ARHGAP17: variants seen among roughly 807,000 people sequenced by gnomAD.
The protein encoded by ARHGAP17 is Rho GTPase activating protein 17, also known as rho GTPase-activating protein 17.
In ARHGAP17, 57 loss-of-function variants were observed where a neutral mutation model predicts 99.5. That is an observed-to-expected ratio of 0.57 (90% CI 0.46 to 0.71). ARHGAP17 has a LOEUF of 0.71. Among genes scored for constraint, ARHGAP17 ranks in the 30% least tolerant of loss-of-function variants. ARHGAP17 has a pLI of 0.00. For missense variants in ARHGAP17, 1,000 were observed against 1,122.4 expected, an observed-to-expected ratio of 0.89 and a Z score of 1.56; for synonymous variants, 417 against 429.6, an observed-to-expected ratio of 0.97 and a Z score of 0.36.
chr16:25,014,983 T>C (rs568374805), intron 1 of ARHGAP17, among the ~76,000 whole-genome samples: 2 of 150,228 alleles, frequency 1.3e-5, no homozygotes, highest in South Asian at 2.1e-4. Context: ...GGCCCTCCCC[T>C]GCAGGTCTCG....
intron 1 of ARHGAP17, among the ~76,000 whole-genome samples, chr16:25,007,223 A>G (rs2053531166): frequency 6.6e-6 from 1 of 152,262 alleles, no homozygotes; most frequent in African/African-American, 2.4e-5. Context: ...GCTAAAATAA[A>G]GTGCTTATCA....
At chr16:25,001,772 G>A (rs1411073679) in intron 1 of ARHGAP17, among the ~76,000 whole-genome samples, 1 of 152,040 alleles carries the variant, frequency 6.6e-6, no homozygotes. Flanking sequence ...ACATATTACA[G>A]ATCAACAGTT....
intron 6 of ARHGAP17, among the ~76,000 whole-genome samples, chr16:24,967,952 G>T (rs946914369): frequency 6.6e-6 from 1 of 152,278 alleles, no homozygotes; most frequent in East Asian, 1.9e-4. Context: ...CCTGCCATGT[G>T]AGTGCCTCCT....
At chr16:24,920,340 A>C in intron 19 of ARHGAP17, 80 bp from the exon 20 acceptor site, 1 of 1,560,560 alleles carries the variant, frequency 6.4e-7, no homozygotes, top group African/African-American at 1.4e-5. Context: ...TGAGAAGAAG[A>C]GAGGCTGGGA....
At chr16:25,002,154 CCAATAAAAGGT>C (rs956420518) in intron 1 of ARHGAP17, among the ~76,000 whole-genome samples, 6 of 151,926 alleles carry the variant, frequency 3.9e-5, no homozygotes, top group African/African-American at 1.4e-4. Flanking sequence ...AATAGAAAGC[CCAATAAAAGGT>C]CAAAGAAAAT....
intron 1 of ARHGAP17, among the ~76,000 whole-genome samples, chr16:25,001,891 C>A (rs2053369332): frequency 1.3e-5 from 2 of 152,102 alleles, no homozygotes; most frequent in Admixed American, 6.6e-5. Context: ...CAAGACCAAT[C>A]TGACCAAAGC....
chr16:24,931,749 T>TG (rs144804596), intron 18 of ARHGAP17, among the ~76,000 whole-genome samples: 9,595 of 152,100 alleles, frequency 0.063, 364 homozygotes, highest in Middle Eastern at 0.13. Context: ...GGCTCCTGGA[T>TG]GAGATCCTGG....
intron 18 of ARHGAP17, among the ~76,000 whole-genome samples, chr16:24,931,774 A>T (rs1460338331): frequency 6.6e-6 from 1 of 152,204 alleles, no homozygotes; most frequent in Non-Finnish European, 1.5e-5. Flanking sequence ...GAAAATGGAC[A>T]TGAGTGGAAA....
At chr16:24,944,123 T>C (rs1238034507) in intron 14 of ARHGAP17, among the ~76,000 whole-genome samples, 1 of 151,664 alleles carries the variant, frequency 6.6e-6, no homozygotes, top group East Asian at 1.9e-4. Flanking sequence ...ATACAAAAAT[T>C]AGCCAGGCGT....
chr16:24,985,487 A>T (rs2052837055), intron 1 of ARHGAP17, among the ~76,000 whole-genome samples: 2 of 152,102 alleles, frequency 1.3e-5, no homozygotes, highest in African/African-American at 4.8e-5. Flanking sequence ...GCACTGTCAA[A>T]GCCAGTATGG....
intron 12 of ARHGAP17, among the ~76,000 whole-genome samples, chr16:24,951,226 T>G (rs1324833446): frequency 4.6e-5 from 7 of 152,044 alleles, no homozygotes; most frequent in Non-Finnish European, 1.0e-4. Context: ...TAGAGGAATA[T>G]AGCATTTGGG....
rs1348843885 is a variant in ARHGAP17, at chr16:24,920,151, A to G, written c.2625T>C (p.Asp875=). ...PGRILLDIDN[D]TESTAL ...TTCTTCACAGGGCAGTGCTCTCGGT[A>G]TCATTGTCTATATCCAGCAGGATGC... is the stretch of plus-strand genomic sequence containing the variant. The change falls in exon 20 of 20, where the codon GAT becomes GAC. Residue 875 remains aspartate, a synonymous_variant. Transcript: ENST00000289968. 1 of 1,613,964 alleles carries G rather than the reference A, an allele frequency of 6.2e-7. No individual in the cohort carries two copies. Among genetic ancestry groups the G allele is most frequent in the Non-Finnish European group, 8.5e-7 (1 of 1,179,988 alleles).
At position 24,952,291 on chromosome 16, in the gene ARHGAP17, T is replaced by C. The variant is rs764422972; in HGVS notation, c.1044A>G (p.Ala348=). 1.9e-6 allele frequency: 3 copies of C among 1,610,304 alleles called. No homozygotes were observed. In the African/African-American group the frequency reaches 4.0e-5, roughly 22 times the overall value. The change falls in exon 12 of 20, where the codon GCA becomes GCG. Residue 348 remains alanine, a splice_region_variant and synonymous_variant. Transcript: ENST00000289968. ...AACTCTGTGTTCTTTAAACTTACCT[T>C]GCAACTTGTGTCCATTCTTCATACA... ...FNLYEEWTQV[A]SVQDQDKKLQ... is the part of the protein sequence containing the mutation.
intron 7 of ARHGAP17, among the ~76,000 whole-genome samples, chr16:24,960,615 A>C (rs1157535267): frequency 1.3e-5 from 2 of 151,750 alleles, no homozygotes; most frequent in Non-Finnish European, 2.9e-5. Context: ...CAGGAGATTG[A>C]GACCATCCTG....
In ARHGAP17 at chr16:25,011,442, T is replaced by C. The variant is rs139963871; in HGVS notation, c.53+3767A>G. Among the ~76,000 whole-genome samples, 543 of 152,272 alleles carry C rather than the reference T, an allele frequency of 3.6e-3. 1 individual carries two copies. The highest frequency in any genetic ancestry group is 0.013 in the African/African-American group (526 of 41,576). ...AACCGAGGCCAGGCGCAGTGGCTCA[T>C]GCCTGTAATCCCAGCACTTTGGGAG... On this transcript the variant is annotated intron_variant, in intron 1 of 19. Coordinates refer to ENST00000289968, the MANE Select transcript of ARHGAP17 (RefSeq NM_001006634.3).
At chr16:24,925,970 C>G (rs1037334569) in intron 19 of ARHGAP17, among the ~76,000 whole-genome samples, 1 of 151,360 alleles carries the variant, frequency 6.6e-6, no homozygotes, top group Non-Finnish European at 1.5e-5. Context: ...ATTAGCTGGG[C>G]GTGGTGGTGG....
chr16:24,978,592 C>T (rs527647620), intron 2 of ARHGAP17, among the ~76,000 whole-genome samples: 1 of 152,282 alleles, frequency 6.6e-6, no homozygotes, highest in South Asian at 2.1e-4. Context: ...GCACTTACCA[C>T]GTGCCAGGCT....
intron 2 of ARHGAP17, among the ~76,000 whole-genome samples, chr16:24,977,905 G>A (rs2052566218): frequency 6.6e-6 from 1 of 152,314 alleles, no homozygotes; most frequent in South Asian, 2.1e-4. Flanking sequence ...TGAAGAATGA[G>A]AGCAGGCCCT....
At chr16:24,992,108 C>T (rs1442777892) in intron 1 of ARHGAP17, among the ~76,000 whole-genome samples, 1 of 152,100 alleles carries the variant, frequency 6.6e-6, no homozygotes, top group African/African-American at 2.4e-5. Flanking sequence ...GGAGATGTGG[C>T]TGCAGAGAAA....
Sources: allele counts gnomAD v4.1 joint callset (sites outside exome capture counted in the v4.1 genomes callset), GRCh38; gene constraint gnomAD v4.1.1; transcripts MANE v1.5; gene names NCBI Gene and HGNC (gene_info 2026-07-23, HGNC 2026-07-21).